Variants in SUSD4 observed in about 807,000 individuals in gnomAD.
SUSD4 encodes sushi domain containing 4.
A neutral mutation model predicts 50.5 loss-of-function variants in SUSD4; 41 were observed. The observed-to-expected ratio is 0.81, with a 90% CI of 0.63 to 1.05. The LOEUF (loss-of-function observed/expected upper bound fraction) is 1.05. Among genes scored for constraint, SUSD4 ranks in the 50% least tolerant of loss-of-function variants. The pLI, the probability that SUSD4 is intolerant of heterozygous loss-of-function variation, is 0.00. For synonymous variants in SUSD4, 257 were observed against 257.3 expected (o/e 1.00, Z 0.01); for missense variants, 580 against 634.7 (o/e 0.91, Z 0.93).
chr1:223,361,791 G>C (rs998304578), intron 2 of SUSD4, among the ~76,000 whole-genome samples: 4 of 152,236 alleles, frequency 2.6e-5, no homozygotes, highest in Non-Finnish European at 5.9e-5. Context: ...AGCTAGAACT[G>C]GGAGGCAAAA....
intron 5 of SUSD4, among the ~76,000 whole-genome samples, chr1:223,259,898 C>A (rs142212188): frequency 1.3e-5 from 2 of 152,134 alleles, no homozygotes; most frequent in South Asian, 2.1e-4. Flanking sequence ...GGGCAGGCTG[C>A]GTCTATACCG....
At chr1:223,298,696 A>G (rs1664994809) in intron 2 of SUSD4, among the ~76,000 whole-genome samples, 1 of 152,244 alleles carries the variant, frequency 6.6e-6, no homozygotes, top group Non-Finnish European at 1.5e-5. Context: ...CTGAAGATCC[A>G]GCCCTGAATC....
intron 4 of SUSD4, among the ~76,000 whole-genome samples, chr1:223,266,611 T>C (rs2103078305): frequency 6.6e-6 from 1 of 152,354 alleles, no homozygotes; most frequent in African/African-American, 2.4e-5. Context: ...TCACTCTTGG[T>C]TAGAGACAGC....
chr1:223,291,015 T>C (rs902066277), intron 3 of SUSD4, among the ~76,000 whole-genome samples: 1 of 152,122 alleles, frequency 6.6e-6, no homozygotes, highest in African/African-American at 2.4e-5. Flanking sequence ...ACAGCTTGCA[T>C]AGGCTGCATG....
intron 5 of SUSD4, among the ~76,000 whole-genome samples, chr1:223,251,214 T>C (rs1226162200): frequency 1.3e-5 from 2 of 152,232 alleles, no homozygotes; most frequent in Non-Finnish European, 2.9e-5. Context: ...CTCATGGTTC[T>C]GCAGGCTGTA....
intron 3 of SUSD4, among the ~76,000 whole-genome samples, chr1:223,287,731 T>C (rs1664237188): frequency 6.6e-6 from 1 of 152,198 alleles, no homozygotes; most frequent in South Asian, 2.1e-4. Flanking sequence ...ACCTGAAGTT[T>C]ACTTGAAACC....
rs1363679472 is a variant in SUSD4 at position 223,223,342 on chromosome 1, C to G, written c.1351G>C (p.Glu451Gln). ...TTGTCCGAAGCAGGGTGGGTGCTCT[C>G]TTGGCACCTGGGAGGTGAATACAGA... The part of the protein sequence containing the change: ...QSLYSPPRCQ[E>Q]STHPASDNPD... Residue 451 changes from glutamate to glutamine, a missense_variant, in exon 8 of 9, where the codon GAG (glutamate) becomes CAG (glutamine). By Grantham distance (29) the Glu-to-Gln change is conservative. Coordinates refer to ENST00000366878, the MANE Select transcript of SUSD4 (RefSeq NM_017982.4). 1 of 1,612,072 alleles carries G rather than the reference C, an allele frequency of 6.2e-7. No homozygotes were observed. Among genetic ancestry groups the G allele is most frequent in the Non-Finnish European group, 8.5e-7 (1 of 1,179,174 alleles).
chr1:223,347,631 T>C (rs1558271553), intron 2 of SUSD4, among the ~76,000 whole-genome samples: 1 of 151,974 alleles, frequency 6.6e-6, no homozygotes, highest in Non-Finnish European at 1.5e-5. Flanking sequence ...AATTATTTCA[T>C]GCACGCATTT....
Position 223,300,930 on chromosome 1 carries a change from A to T in SUSD4, c.149-8279T>A, listed in dbSNP as rs1572011671. 2.6e-5 allele frequency among the ~76,000 whole-genome samples: 4 copies of T among 152,290 alleles called. 1 individual carries two copies. Among genetic ancestry groups the T allele is most frequent in the South Asian group, 4.2e-4 (2 of 4,816 alleles). On this transcript the variant is annotated intron_variant, in intron 2 of 8. Transcript: ENST00000366878. ...CTGTGAACAACATAAGAAGTCTTTTAAAAGAATCATAAAAATGAAAGGTGT... is the reference window on the plus strand; with the variant it reads ...CTGTGAACAACATAAGAAGTCTTTTTAAAGAATCATAAAAATGAAAGGTGT...
At chr1:223,318,663 G>T (rs1302275473) in intron 2 of SUSD4, among the ~76,000 whole-genome samples, 2 of 151,042 alleles carry the variant, frequency 1.3e-5, no homozygotes, top group East Asian at 3.9e-4. Context: ...CTTCTTTTGA[G>T]AAGTGTCTGT....
intron 5 of SUSD4, chr1:223,235,244 A>C (rs1377748044): frequency 2.5e-6 from 2 of 815,906 alleles, no homozygotes; most frequent in Non-Finnish European, 3.7e-6. Context: ...TATTGAGCAG[A>C]AGGTACAGGA....
At chr1:223,363,139 G>T in intron 2 of SUSD4, 139 bp downstream of exon 2, 1 of 1,076,118 alleles carries the variant, frequency 9.3e-7, no homozygotes, top group Non-Finnish European at 1.2e-6. Flanking sequence ...CCATAGGCTG[G>T]GACGCAGGCA....
intron 2 of SUSD4, among the ~76,000 whole-genome samples, chr1:223,361,892 C>T (rs916263305): frequency 2.6e-5 from 4 of 152,188 alleles, no homozygotes; most frequent in Non-Finnish European, 4.4e-5. Context: ...CTGGTGTCCA[C>T]GGCAGATTAG....
At chr1:223,341,403 C>T (rs1044162575) in intron 2 of SUSD4, among the ~76,000 whole-genome samples, 8 of 152,172 alleles carry the variant, frequency 5.3e-5, no homozygotes, top group African/African-American at 1.7e-4. Flanking sequence ...AGGCTCCACA[C>T]GAGGCAGGGC....
At chr1:223,288,576 T>C (rs1334715621) in intron 3 of SUSD4, among the ~76,000 whole-genome samples, 2 of 152,112 alleles carry the variant, frequency 1.3e-5, no homozygotes, top group African/African-American at 4.8e-5. Context: ...TGGTTCTCTA[T>C]ATAAGAAACA....
intron 5 of SUSD4, among the ~76,000 whole-genome samples, chr1:223,245,766 A>G (rs1197461142): frequency 2.0e-5 from 3 of 152,204 alleles, no homozygotes; most frequent in African/African-American, 4.8e-5. Context: ...GTGGCAGCCA[A>G]TGTGGTGGGA....
At chr1:223,248,773 C>T (rs1263962040) in intron 5 of SUSD4, among the ~76,000 whole-genome samples, 1 of 152,102 alleles carries the variant, frequency 6.6e-6, no homozygotes, top group Admixed American at 6.6e-5. Flanking sequence ...CACCTGCTTT[C>T]CATCTCTGAG....
At chr1:223,245,578 G>GC (rs751133480) in intron 5 of SUSD4, among the ~76,000 whole-genome samples, 28 of 152,244 alleles carry the variant, frequency 1.8e-4, no homozygotes, top group Admixed American at 3.9e-4. Context: ...TGGAACCACG[G>GC]CAAGTAGTTG....
Position 223,227,868 on chromosome 1 carries a change from C to G in SUSD4, c.917-130G>C. Reference sequence around the variant, plus strand: ...TGCAAGGTGCCTCTGACCCCCAGGGCTCGGCAGAGATACCATGTGCCCCTG... The same window carrying G: ...TGCAAGGTGCCTCTGACCCCCAGGGGTCGGCAGAGATACCATGTGCCCCTG... On this transcript the variant is annotated intron_variant, in intron 6 of 8. Transcript: ENST00000366878. The surrounding 1 kb of genome is among the most constrained non-coding windows in gnomAD (Gnocchi z 4.5). 1 of 1,202,418 alleles carries G rather than the reference C, an allele frequency of 8.3e-7. No homozygotes were observed. 74.5% of individuals were successfully genotyped at this position (1,202,418 alleles called of 1,614,324 possible). A position where few individuals can be genotyped will look rare whatever the true frequency, so the allele number is the denominator to read the frequency against.
Sources: allele counts gnomAD v4.1 joint callset (sites outside exome capture counted in the v4.1 genomes callset), GRCh38; gene constraint gnomAD v4.1.1; non-coding constraint Gnocchi (gnomAD v3.1); transcripts MANE v1.5; gene names NCBI Gene and HGNC (gene_info 2026-07-23, HGNC 2026-07-21).